KCNK2: variants seen among roughly 807,000 people sequenced by gnomAD.
The protein encoded by KCNK2 is potassium channel subfamily K member 2.
Under a neutral mutation model 40.5 loss-of-function variants are expected in KCNK2, and 21 were observed. The ratio of observed to expected loss-of-function variants is 0.52; its 90% CI spans 0.37 to 0.75. The LOEUF is 0.75. KCNK2 is among the 30% of genes least tolerant of loss of function. KCNK2 has a pLI of 0.00. For missense variants in KCNK2, 399 were observed against 531.6 expected (o/e 0.75, Z 2.45); for synonymous variants, 191 against 202.2 (o/e 0.94, Z 0.47).
At chr1:215,045,738 A>G (rs1306742013) in intron 1 of KCNK2, among the ~76,000 whole-genome samples, 4 of 152,164 alleles carry the variant, frequency 2.6e-5, no homozygotes, top group Non-Finnish European at 1.5e-5. Flanking sequence ...AAGATGCCCT[A>G]TGTCTTCACA....
chr1:215,073,148 A>G (rs1003459919), intron 1 of KCNK2, among the ~76,000 whole-genome samples: 1 of 152,158 alleles, frequency 6.6e-6, no homozygotes, highest in African/African-American at 2.4e-5. Context: ...AGGAACACCA[A>G]GGATTGCTGG....
chr1:215,198,827 T>A (rs1664970596), intron 6 of KCNK2, among the ~76,000 whole-genome samples: 1 of 152,148 alleles, frequency 6.6e-6, no homozygotes, highest in African/African-American at 2.4e-5. Flanking sequence ...AATACAAAAT[T>A]AAATATAGCT....
intron 1 of KCNK2, among the ~76,000 whole-genome samples, chr1:215,009,997 G>A (rs74140849): frequency 6.6e-6 from 1 of 152,146 alleles, no homozygotes; most frequent in Non-Finnish European, 1.5e-5. Context: ...TTATGTGTGT[G>A]TGTCTCAAAT....
chr1:215,060,303 A>G (rs1344943272), intron 1 of KCNK2, among the ~76,000 whole-genome samples: 1 of 152,234 alleles, frequency 6.6e-6, no homozygotes, highest in Non-Finnish European at 1.5e-5. Flanking sequence ...AGGAGAGACC[A>G]GGCTGATACT....
intron 2 of KCNK2, among the ~76,000 whole-genome samples, chr1:215,121,202 C>T (rs994588331): frequency 3.3e-5 from 5 of 152,136 alleles, no homozygotes; most frequent in African/African-American, 9.7e-5. Flanking sequence ...AACAAACAAA[C>T]AAAAATAACA....
At chr1:215,017,218 A>G (rs771068454) in intron 1 of KCNK2, among the ~76,000 whole-genome samples, 46 of 152,146 alleles carry the variant, frequency 3.0e-4, no homozygotes, top group Non-Finnish European at 5.4e-4. Context: ...CTATCATATG[A>G]TCCAGAAATC....
At chr1:215,011,109 CA>C (rs1428890289) in intron 1 of KCNK2, among the ~76,000 whole-genome samples, 4 of 151,816 alleles carry the variant, frequency 2.6e-5, no homozygotes, top group African/African-American at 9.7e-5. Flanking sequence ...CTTGTAACCA[CA>C]ACCACAATCA....
At chr1:215,166,134 T>A (rs1396062337) in intron 3 of KCNK2, among the ~76,000 whole-genome samples, 1 of 152,084 alleles carries the variant, frequency 6.6e-6, no homozygotes, top group African/African-American at 2.4e-5. Flanking sequence ...TTACCTCACA[T>A]CACCAAAAAG....
At chr1:215,058,319 G>A (rs1458695392) in intron 1 of KCNK2, among the ~76,000 whole-genome samples, 1 of 152,136 alleles carries the variant, frequency 6.6e-6, no homozygotes, top group Non-Finnish European at 1.5e-5. Flanking sequence ...CTGTCTTTTA[G>A]CAGCAGGAGC....
chr1:215,228,786 T>C (rs1666500409), intron 6 of KCNK2, among the ~76,000 whole-genome samples: 1 of 152,120 alleles, frequency 6.6e-6, no homozygotes, highest in South Asian at 2.1e-4. Context: ...AAGAAAAAAT[T>C]TTATTTATAT....
At chr1:215,039,769 C>T (rs920563974) in intron 1 of KCNK2, among the ~76,000 whole-genome samples, 10 of 152,050 alleles carry the variant, frequency 6.6e-5, no homozygotes, top group African/African-American at 2.4e-4. Flanking sequence ...TCTTTGCCAT[C>T]GCATGCAATT....
intron 1 of KCNK2, among the ~76,000 whole-genome samples, chr1:215,071,728 G>T (rs1462872947): frequency 1.3e-5 from 2 of 152,162 alleles, no homozygotes; most frequent in Admixed American, 6.5e-5. Context: ...TCAGTGCAAT[G>T]CATGTTTGGG....
chr1:215,176,438 C>T (rs898089133), intron 5 of KCNK2, among the ~76,000 whole-genome samples: 1 of 152,058 alleles, frequency 6.6e-6, no homozygotes, highest in Non-Finnish European at 1.5e-5. Flanking sequence ...ATCAACCCAT[C>T]ACCTAGATAT....
At chr1:215,171,840 A>G (rs1391631992) in intron 4 of KCNK2, among the ~76,000 whole-genome samples, 157 bp from the exon 5 acceptor site, 1 of 152,134 alleles carries the variant, frequency 6.6e-6, no homozygotes, top group Non-Finnish European at 1.5e-5. Flanking sequence ...ATAAAATAAC[A>G]TGCTTACTTG....
chr1:215,181,320 G>A (rs542735993), intron 5 of KCNK2, among the ~76,000 whole-genome samples: 61 of 152,104 alleles, frequency 4.0e-4, no homozygotes, highest in Admixed American at 1.4e-3. Context: ...AAGCTTCCTT[G>A]CAATCCATGC....
intron 6 of KCNK2, among the ~76,000 whole-genome samples, chr1:215,225,655 T>C (rs982827779): frequency 4.6e-5 from 7 of 152,222 alleles, no homozygotes; most frequent in African/African-American, 1.7e-4. Flanking sequence ...AGAATGTATG[T>C]AGGAGTCTGG....
chr1:215,124,537 T>C, intron 2 of KCNK2, 96 bp from the exon 3 acceptor site: 1 of 781,392 alleles, frequency 1.3e-6, no homozygotes, highest in Non-Finnish European at 2.3e-6. Context: ...GAGTTGATTC[T>C]CTTTGTCAAA....
At position 215,157,029 on chromosome 1, in the gene KCNK2, C is replaced by T. The variant is rs909529669; in HGVS notation, c.476-12170C>T. ...TTGCACCATTGCACTCCAGCCTGGG[C>T]AACAAGAGCAAAACTCTGTCTCAAA... On this transcript the variant is annotated intron_variant, in intron 3 of 6. Transcript: ENST00000444842. Among the ~76,000 whole-genome samples, 10 of 152,060 alleles carry T rather than the reference C, an allele frequency of 6.6e-5. No homozygotes were observed. In the South Asian group the frequency reaches 2.1e-3, roughly 32 times the overall value.
intron 5 of KCNK2, among the ~76,000 whole-genome samples, chr1:215,173,681 G>A (rs971793650): frequency 7.2e-5 from 11 of 152,200 alleles, no homozygotes; most frequent in Admixed American, 5.9e-4. Context: ...GTGAGATGGT[G>A]TCTCATTGTG....
Sources: allele counts gnomAD v4.1 joint callset (sites outside exome capture counted in the v4.1 genomes callset), GRCh38; gene constraint gnomAD v4.1.1; transcripts MANE v1.5; gene names NCBI Gene and HGNC (gene_info 2026-07-23, HGNC 2026-07-21).